The following PTPRN2 variants were observed in gnomAD, a reference collection of about 807,000 sequenced individuals.
PTPRN2 encodes the protein protein tyrosine phosphatase receptor type N2.
PTPRN2 carries 74 observed loss-of-function variants against 118.8 expected under a neutral mutation model. That is an observed-to-expected ratio of 0.62 (90% CI 0.52 to 0.76). The LOEUF (loss-of-function observed/expected upper bound fraction) is 0.76. Among genes scored for constraint, PTPRN2 ranks in the 30% least tolerant of loss-of-function variants. The pLI is 0.00. For missense variants in PTPRN2, 1,481 were observed against 1,394.4 expected, an observed-to-expected ratio of 1.06 and a Z score of -0.99; for synonymous variants, 641 against 608.0, an observed-to-expected ratio of 1.05 and a Z score of -0.80.
At chr7:158,293,736 C>T (rs866260288) in intron 3 of PTPRN2, among the ~76,000 whole-genome samples, 2 of 131,976 alleles carry the variant, frequency 1.5e-5, no homozygotes, top group South Asian at 5.2e-4. Context: ...ACTTTTCTTC[C>T]ACTTTTAAAA....
At chr7:157,771,190 C>G (rs537600530) in intron 12 of PTPRN2, among the ~76,000 whole-genome samples, 1 of 152,366 alleles carries the variant, frequency 6.6e-6, no homozygotes. Flanking sequence ...AATGTGCCAG[C>G]TATGTAGACA....
intron 1 of PTPRN2, among the ~76,000 whole-genome samples, chr7:158,508,633 G>A (rs1025254838): frequency 2.7e-5 from 4 of 146,182 alleles, no homozygotes; most frequent in African/African-American, 1.0e-4. Flanking sequence ...GAGCAGGTGC[G>A]GAAGTGGCTC....
chr7:158,122,413 T>TCTCAGCCCCGGCAC (rs1817248195), intron 9 of PTPRN2, among the ~76,000 whole-genome samples: 1 of 152,174 alleles, frequency 6.6e-6, no homozygotes, highest in African/African-American at 2.4e-5. Flanking sequence ...TTCCACGGTG[T>TCTCAGCCCCGGCAC]CCTCTCAGCC....
chr7:158,488,457 G>A (rs1821190734), intron 2 of PTPRN2, among the ~76,000 whole-genome samples: 1 of 152,210 alleles, frequency 6.6e-6, no homozygotes, highest in African/African-American at 2.4e-5. Context: ...GACCCCAGAA[G>A]CTGCCTAGGC....
intron 9 of PTPRN2, among the ~76,000 whole-genome samples, chr7:158,117,106 G>A (rs189922450): frequency 1.3e-3 from 199 of 152,162 alleles, no homozygotes; most frequent in African/African-American, 4.7e-3. Context: ...AGACCTGATG[G>A]CAGATGTACT....
chr7:157,701,690 C>A (rs1270465031), intron 12 of PTPRN2, among the ~76,000 whole-genome samples: 1 of 152,222 alleles, frequency 6.6e-6, no homozygotes, highest in African/African-American at 2.4e-5. Context: ...CACTGCGGTT[C>A]TAGGTATGAA....
At chr7:157,752,829 C>A (rs918751714) in intron 12 of PTPRN2, among the ~76,000 whole-genome samples, 1 of 152,258 alleles carries the variant, frequency 6.6e-6, no homozygotes, top group Non-Finnish European at 1.5e-5. Flanking sequence ...TCAGGGATGG[C>A]GAGGGCCGCC....
intron 12 of PTPRN2, among the ~76,000 whole-genome samples, chr7:157,776,200 C>CTCTCCTCCTCCA (rs1293107394): frequency 7.6e-6 from 1 of 130,850 alleles, no homozygotes; most frequent in African/African-American, 3.1e-5. Context: ...CACTTCCTCC[C>CTCTCCTCCTCCA]TCTCCTCCTC....
intron 2 of PTPRN2, among the ~76,000 whole-genome samples, chr7:158,337,320 C>T (rs1273745765): frequency 6.6e-6 from 1 of 150,608 alleles, no homozygotes; most frequent in Non-Finnish European, 1.5e-5. Context: ...ACATCATTCA[C>T]ACCCACACTG....
intron 12 of PTPRN2, chr7:157,864,703 C>CT (rs1474576632): frequency 6.6e-6 from 1 of 152,282 alleles, no homozygotes; most frequent in Non-Finnish European, 1.5e-5. Context: ...CTGCCCCATC[C>CT]TCTCTGCAGG....
At chr7:157,575,871 C>A (rs1310957266) in intron 19 of PTPRN2, among the ~76,000 whole-genome samples, 1 of 152,200 alleles carries the variant, frequency 6.6e-6, no homozygotes, top group Admixed American at 6.5e-5. Flanking sequence ...CAATTTAGAG[C>A]TTCGTCACTG....
intron 2 of PTPRN2, among the ~76,000 whole-genome samples, chr7:158,486,043 T>C (rs755185010): frequency 7.9e-5 from 12 of 152,264 alleles, no homozygotes; most frequent in Non-Finnish European, 1.6e-4. Context: ...TTAATATTAA[T>C]GATTTGTCTA....
intron 1 of PTPRN2, among the ~76,000 whole-genome samples, chr7:158,534,518 G>A (rs1308926684): frequency 6.6e-6 from 1 of 152,230 alleles, no homozygotes; most frequent in Non-Finnish European, 1.5e-5. Context: ...AAACGCAGTG[G>A]GATCAGGCCT....
intron 2 of PTPRN2, among the ~76,000 whole-genome samples, chr7:158,403,494 GTT>G (rs1246767054): frequency 6.6e-6 from 1 of 152,206 alleles, no homozygotes; most frequent in East Asian, 1.9e-4. Context: ...TGGGCTCCAG[GTT>G]TGAGAATCGT....
chr7:158,480,638 G>A (rs1820585520), intron 2 of PTPRN2, among the ~76,000 whole-genome samples: 1 of 152,180 alleles, frequency 6.6e-6, no homozygotes, highest in South Asian at 2.1e-4. Context: ...GAATGTAAAG[G>A]AAAAGTTCTT....
Position 158,206,621 on chromosome 7 carries a change from A to G in PTPRN2, c.278-1348T>C, listed in dbSNP as rs181868404. Among the ~76,000 whole-genome samples, 237 of 152,178 alleles carry G rather than the reference A, an allele frequency of 1.6e-3. 2 individuals carry two copies. Among genetic ancestry groups the G allele is most frequent in the African/African-American group, 5.6e-3 (233 of 41,528 alleles). Reference sequence around the variant, plus strand: ...TTTGTCTCGGAGAATGTAAGAGAAAAAAAGTCTGCCTGGTAATCCACAAAA... The same window carrying G: ...TTTGTCTCGGAGAATGTAAGAGAAAGAAAGTCTGCCTGGTAATCCACAAAA... On this transcript the variant is annotated intron_variant, in intron 3 of 22. Coordinates refer to ENST00000389418, the MANE Select transcript of PTPRN2 (RefSeq NM_002847.5).
chr7:157,561,210 C>T (rs1257252236), intron 21 of PTPRN2, among the ~76,000 whole-genome samples: 1 of 152,068 alleles, frequency 6.6e-6, no homozygotes, highest in Non-Finnish European at 1.5e-5. Flanking sequence ...CATGCCATCC[C>T]TTCGGCCCCC....
At chr7:157,769,938 T>C (rs1271858172) in intron 12 of PTPRN2, among the ~76,000 whole-genome samples, 1 of 152,198 alleles carries the variant, frequency 6.6e-6, no homozygotes, top group Non-Finnish European at 1.5e-5. Flanking sequence ...GGCTGTGGCC[T>C]CTGGTGCAGG....
chr7:158,542,105 G>T (rs1176568539), intron 1 of PTPRN2, among the ~76,000 whole-genome samples: 1 of 152,174 alleles, frequency 6.6e-6, no homozygotes, highest in Non-Finnish European at 1.5e-5. Flanking sequence ...GAGTTTTCTA[G>T]ATTTTTCATT....
Sources: allele counts gnomAD v4.1 joint callset (sites outside exome capture counted in the v4.1 genomes callset), GRCh38; gene constraint gnomAD v4.1.1; transcripts MANE v1.5; gene names NCBI Gene and HGNC (gene_info 2026-07-23, HGNC 2026-07-21).